The following UTRN variants were observed in gnomAD, a reference collection of about 807,000 sequenced individuals.
UTRN encodes dystrophin-related protein 1.
In UTRN, 283 loss-of-function variants were observed where a neutral mutation model predicts 463.9. That is an observed-to-expected ratio of 0.61 (90% confidence interval 0.55 to 0.67). UTRN has a LOEUF of 0.67. Among genes scored for constraint, UTRN ranks in the 30% least tolerant of loss-of-function variants. The pLI, the probability that UTRN is intolerant of heterozygous loss-of-function variation, is 0.00. For synonymous variants in UTRN, 1,442 were observed against 1,431.5 expected (o/e 1.01, Z -0.17); for missense variants, 3,922 against 4,084.3 (o/e 0.96, Z 1.08).
rs1235944670 is a variant in UTRN at position 144,824,595 on chromosome 6, TATATATATATATATATATC to T, written c.9495-2752_9495-2734del. On this transcript the variant is annotated intron_variant, in intron 66 of 74. Transcript: ENST00000367545. Reference sequence around the variant, plus strand: ...ATTTATATATATATATATATATATATATATATATATATATATATCTTTTTTTTTTTTTTTTTTTTTTTGA... The same window carrying T: ...ATTTATATATATATATATATATATATTTTTTTTTTTTTTTTTTTTTTTTGA... 9.8e-4 allele frequency among the ~76,000 whole-genome samples: 59 copies of T among 60,156 alleles called. 1 individual carries two copies. The highest frequency in any genetic ancestry group is 5.0e-3 in the African/African-American group (54 of 10,874). The allele number at this position is 60,156 out of a possible 152,430, so 39.5% of individuals were successfully genotyped here. A position where few individuals can be genotyped will look rare whatever the true frequency, so the allele number is the denominator to read the frequency against.
chr6:144,719,221 C>T (rs1487388133), intron 53 of UTRN, among the ~76,000 whole-genome samples: 1 of 152,128 alleles, frequency 6.6e-6, no homozygotes, highest in African/African-American at 2.4e-5. Flanking sequence ...TTCATTTTCT[C>T]ATTCATTAAT....
At position 144,482,366 on chromosome 6, in the gene UTRN, G is replaced by T. The variant is rs769004303; in HGVS notation, c.3665G>T (p.Arg1222Leu). ...TACCAACTTCTTTGTAATAGAATTCGAGGAAAGTGCCACACGCTAGAGGTA... is the reference window on the plus strand; with the variant it reads ...TACCAACTTCTTTGTAATAGAATTCTAGGAAAGTGCCACACGCTAGAGGTA... Reference protein sequence around the residue: ...ENYQLLCNRIRGKCHTLEEVW... With the variant: ...ENYQLLCNRILGKCHTLEEVW... The change falls in exon 27 of 75, where the codon CGA (arginine) becomes CTA (leucine). Residue 1222 changes from arginine (R) to leucine (L), a missense_variant. Arg to Leu is a moderately radical substitution (Grantham distance 102). Transcript: ENST00000367545. 1.3e-6 allele frequency: 2 copies of T among 1,596,088 alleles called. No individual in the cohort carries two copies. The highest frequency in any genetic ancestry group is 1.7e-6 in the Non-Finnish European group (2 of 1,175,096).
At chr6:144,577,519 T>A (rs1358543825) in intron 51 of UTRN, among the ~76,000 whole-genome samples, 1 of 152,198 alleles carries the variant, frequency 6.6e-6, no homozygotes, top group Admixed American at 6.5e-5. Context: ...ATTGTTTATT[T>A]AGAGTTAGAG....
chr6:144,485,636 C>T, intron 28 of UTRN, 117 bp downstream of exon 28: 1 of 1,435,636 alleles, frequency 7.0e-7, no homozygotes, highest in Admixed American at 2.3e-5. Flanking sequence ...CAGTGGTTTT[C>T]AATGTCACTT....
intron 2 of UTRN, among the ~76,000 whole-genome samples, chr6:144,389,397 G>A (rs1479322987): frequency 2.0e-5 from 3 of 152,028 alleles, no homozygotes. Flanking sequence ...CTTTCACACT[G>A]GGCTTGCTTG....
At position 144,499,506 on chromosome 6, in the gene UTRN, A is replaced by G. The variant is rs916132225; in HGVS notation, c.4764+79A>G. On this transcript the variant is annotated intron_variant, in intron 34 of 74. Coordinates refer to ENST00000367545, the MANE Select transcript of UTRN (RefSeq NM_007124.3). ...TGTTCGGGCGACCTGGTTGGATACC[A>G]TGTCCCTCCATTTTATATTAAATCT... 39 of 1,245,696 alleles carry G rather than the reference A, an allele frequency of 3.1e-5. No homozygotes were observed. In the Admixed American group the frequency reaches 8.3e-4, roughly 26 times the overall value. The allele number at this position is 1,245,696 out of a possible 1,614,324, so 77.2% of individuals were successfully genotyped here. A position where few individuals can be genotyped will look rare whatever the true frequency, so the allele number is the denominator to read the frequency against.
At chr6:144,751,612 A>G (rs187355032) in intron 55 of UTRN, among the ~76,000 whole-genome samples, 194 bp from the exon 56 acceptor site, 1 of 152,302 alleles carries the variant, frequency 6.6e-6, no homozygotes, top group Admixed American at 6.5e-5. Context: ...TGGGTTTCGC[A>G]TCCTGCAAAT....
chr6:144,527,433 T>C (rs1356141453), intron 41 of UTRN, among the ~76,000 whole-genome samples: 1 of 152,224 alleles, frequency 6.6e-6, no homozygotes, highest in Non-Finnish European at 1.5e-5. Context: ...CAATATTCTT[T>C]CCTTCTTATT....
chr6:144,506,348 C>T (rs2128587922), intron 34 of UTRN, among the ~76,000 whole-genome samples: 1 of 152,270 alleles, frequency 6.6e-6, no homozygotes, highest in Middle Eastern at 3.4e-3. Flanking sequence ...GCAGTTTCTT[C>T]ATAGTGTCCA....
chr6:144,577,253 A>C lies in UTRN; in HGVS notation c.7444A>C (p.Ser2482Arg), dbSNP rs1343996723. 6.2e-7 allele frequency: 1 copy of C among 1,613,858 alleles called. No individual in the cohort carries two copies. Among genetic ancestry groups the C allele is most frequent in the South Asian group, 1.1e-5 (1 of 91,074 alleles). ...ASHRENALQD[S>R]ILARELKQQM... ...TCATCGGGAGAATGCTCTTCAGGAT[A>C]GTATCTTGGCCAGGGAACTCAAACA... Residue 2482 changes from serine (S) to arginine (R), a missense_variant, in exon 51 of 75, where the codon AGT becomes CGT. By Grantham distance (110) the Ser-to-Arg change is moderately radical. Around this residue, in one of 3 missense-constraint regions of UTRN, gnomAD observed 1,309 missense variants for 1,452.6 expected, o/e 0.90. Coordinates refer to ENST00000367545, the MANE Select transcript of UTRN (RefSeq NM_007124.3).
intron 51 of UTRN, among the ~76,000 whole-genome samples, chr6:144,647,786 C>T (rs925891682): frequency 6.6e-6 from 1 of 152,226 alleles, no homozygotes; most frequent in Non-Finnish European, 1.5e-5. Flanking sequence ...ATTTTGGTAT[C>T]AACAACTTTC....
chr6:144,782,070 C>A lies in UTRN; in HGVS notation c.8781C>A (p.Asn2927Lys). ...GLEQMHKDLV[N>K]VPLCVDMCLN... ...AGCAAATGCATAAGGACCTGGTCAA[C>A]GTTCCACTCTGTGTTGATATGTGTC... Residue 2927 changes from asparagine (N) to lysine (K), a missense_variant, in exon 61 of 75, where the codon AAC (asparagine) becomes AAA (lysine). Asn to Lys is a moderately conservative substitution (Grantham distance 94). Transcript: ENST00000367545. The A allele has an allele frequency of 6.2e-7, 1 of 1,613,954 alleles. No individual in the cohort carries two copies. Among genetic ancestry groups the A allele is most frequent in the Non-Finnish European group, 8.5e-7 (1 of 1,179,942 alleles).
intron 52 of UTRN, among the ~76,000 whole-genome samples, chr6:144,686,771 T>G (rs573828673): frequency 6.6e-6 from 1 of 152,294 alleles, no homozygotes; most frequent in African/African-American, 2.4e-5. Flanking sequence ...TTACCTTGAA[T>G]CTATAAGAAT....
intron 50 of UTRN, among the ~76,000 whole-genome samples, chr6:144,567,084 T>A (rs559421385): frequency 2.0e-5 from 3 of 152,032 alleles, no homozygotes; most frequent in African/African-American, 7.2e-5. Context: ...GAGGTGGAGA[T>A]TGCAGTGAGC....
chr6:144,824,683 A>T (rs1297831763), intron 66 of UTRN, among the ~76,000 whole-genome samples: 1 of 125,550 alleles, frequency 8.0e-6, no homozygotes, highest in Non-Finnish European at 1.6e-5. Flanking sequence ...GCAGTGGCAC[A>T]ATCACAGCTC....
At chr6:144,419,421 G>A (rs1303295940) in intron 3 of UTRN, among the ~76,000 whole-genome samples, 1 of 152,204 alleles carries the variant, frequency 6.6e-6, no homozygotes, top group Non-Finnish European at 1.5e-5. Context: ...AAAATTTACT[G>A]CACTTTCCCT....
At chr6:144,700,355 C>CA (rs2128697836) in intron 53 of UTRN, 112 bp downstream of exon 53, 11 of 1,215,798 alleles carry the variant, frequency 9.0e-6, no homozygotes, top group Non-Finnish European at 9.9e-6. Context: ...AGGATTCCCC[C>CA]CCCCACCACC....
intron 28 of UTRN, among the ~76,000 whole-genome samples, chr6:144,486,783 G>A (rs531736517): frequency 1.3e-5 from 2 of 152,118 alleles, no homozygotes; most frequent in Non-Finnish European, 2.9e-5. Context: ...GCCTCCCAAT[G>A]TGCTAGGATT....
intron 51 of UTRN, among the ~76,000 whole-genome samples, chr6:144,580,229 G>GTGCTGGTGC (rs139890122): frequency 1.3e-5 from 2 of 151,134 alleles, no homozygotes; most frequent in African/African-American, 4.9e-5. Flanking sequence ...GGCAGTGGTG[G>GTGCTGGTGC]TGGTGGTGCT....
Sources: gnomAD v4.1 joint callset for allele counts (sites outside exome capture counted in the v4.1 genomes callset) on GRCh38, gnomAD v4.1.1 for gene constraint, gnomAD v4.1.1 regional missense constraint, MANE v1.5 for transcripts, NCBI Gene and HGNC (gene_info 2026-07-23, HGNC 2026-07-21) for gene names.